The following AKAP10 variants were observed in gnomAD, a reference collection of about 807,000 sequenced individuals.
AKAP10 encodes A-kinase anchoring protein 10, also known as A-kinase anchor protein 10, mitochondrial.
In AKAP10, 24 loss-of-function variants were observed where a neutral mutation model predicts 80.8. The observed-to-expected ratio is 0.30, with a 90% confidence interval of 0.22 to 0.42. The LOEUF is 0.42. Among genes scored for constraint, AKAP10 ranks in the 10% least tolerant of loss-of-function variants. The probability of loss-of-function intolerance (pLI) is 1.00; values close to 1 mark genes in which losing one functional copy is unlikely to be tolerated. For synonymous variants in AKAP10, 291 were observed against 277.7 expected (o/e 1.05, Z -0.48); for missense variants, 661 against 794.9 (o/e 0.83, Z 2.03).
At chr17:19,917,332 G>C (rs575582281) in intron 12 of AKAP10, among the ~76,000 whole-genome samples, 59 of 152,162 alleles carry the variant, frequency 3.9e-4, no homozygotes, top group South Asian at 1.0e-3. Flanking sequence ...TACTGGGGAG[G>C]AGACCCCATT....
chr17:19,945,589 G>A (rs914832433), intron 5 of AKAP10, among the ~76,000 whole-genome samples: 7 of 152,132 alleles, frequency 4.6e-5, no homozygotes, highest in African/African-American at 9.7e-5. Context: ...TGTTATAGCC[G>A]TTATAGGTAT....
intron 2 of AKAP10, among the ~76,000 whole-genome samples, chr17:19,963,415 A>G (rs1027858934): frequency 6.6e-6 from 1 of 152,088 alleles, no homozygotes; most frequent in African/African-American, 2.4e-5. Flanking sequence ...AATTCTCAAA[A>G]TACTGTGCCA....
chr17:19,956,919 AG>A (rs928218747), intron 4 of AKAP10, among the ~76,000 whole-genome samples: 1 of 151,642 alleles, frequency 6.6e-6, no homozygotes, highest in Admixed American at 6.6e-5. Context: ...GAGGGAAGGA[AG>A]GAGGGAGGGA....
chr17:19,945,300 G>A (rs1010811865), intron 5 of AKAP10, among the ~76,000 whole-genome samples: 7 of 151,876 alleles, frequency 4.6e-5, no homozygotes, highest in Non-Finnish European at 1.0e-4. Flanking sequence ...TTATCCACAC[G>A]CCAGTCAGGC....
intron 9 of AKAP10, among the ~76,000 whole-genome samples, chr17:19,935,009 C>CTCAATCAA (rs369344588): frequency 1.3e-5 from 2 of 151,708 alleles, no homozygotes; most frequent in South Asian, 2.1e-4. Context: ...GAAACTCTGT[C>CTCAATCAA]TCAATCAATC....
rs375502134 is a variant in AKAP10, at chr17:19,914,350, G to T, written c.1835-4372C>A. Among the ~76,000 whole-genome samples the T allele has an allele frequency of 1.8e-4, 27 of 152,184 alleles. 1 individual carries two copies. In the East Asian group the frequency reaches 3.1e-3, roughly 17 times the overall value. On this transcript the variant is annotated intron_variant, in intron 12 of 14. Transcript: ENST00000225737. ...TAAATAAATGAACAAGATAATTTTA[G>T]ACAGTGAATAAGAAAATAGGCCAGG...
chr17:19,906,474 C>T (rs979652929), intron 14 of AKAP10, among the ~76,000 whole-genome samples: 2 of 152,132 alleles, frequency 1.3e-5, no homozygotes, highest in Non-Finnish European at 2.9e-5. Flanking sequence ...GGACTGGCAT[C>T]CAGACTTGCT....
chr17:19,924,546 A>G lies in AKAP10; in HGVS notation c.1642-29T>C, dbSNP rs372600492. The G allele has an allele frequency of 1.0e-5, 15 of 1,463,302 alleles. No homozygotes were observed. In the African/African-American group the frequency reaches 1.8e-4, roughly 18 times the overall value. 90.6% of individuals were successfully genotyped at this position (1,463,302 alleles called of 1,614,324 possible). ...CAATAGAAATTGTAAAATTAGAAGT[A>G]TATGAAACAATCAGTCCTGGGCTTG... On this transcript the variant is annotated intron_variant, in intron 10 of 14. Coordinates refer to ENST00000225737, the MANE Select transcript of AKAP10 (RefSeq NM_007202.4).
chr17:19,928,297 G>C (rs1000771368), intron 10 of AKAP10, among the ~76,000 whole-genome samples: 1 of 152,030 alleles, frequency 6.6e-6, no homozygotes, highest in South Asian at 2.1e-4. Context: ...TCCAAAGCTA[G>C]AACAAAGGCC....
At chr17:19,916,032 C>T (rs1051025674) in intron 12 of AKAP10, among the ~76,000 whole-genome samples, 2 of 152,206 alleles carry the variant, frequency 1.3e-5, no homozygotes, top group Non-Finnish European at 2.9e-5. Flanking sequence ...CCATTCCAGC[C>T]ACACGGGGCT....
At position 19,977,621 on chromosome 17, in the gene AKAP10, C is replaced by T; in HGVS notation, c.59G>A (p.Gly20Asp). 2 of 1,235,168 alleles carry T rather than the reference C, an allele frequency of 1.6e-6. No individual in the cohort carries two copies. The highest frequency in any genetic ancestry group is 2.0e-6 in the Non-Finnish European group (2 of 988,020). 76.5% of individuals were successfully genotyped at this position (1,235,168 alleles called of 1,614,324 possible). The change falls in exon 1 of 15, where the codon GGC (glycine) becomes GAC (aspartate). Residue 20 changes from glycine (G) to aspartate (D), a missense_variant. Coordinates refer to ENST00000225737, the MANE Select transcript of AKAP10 (RefSeq NM_007202.4). ...CCGCCGGAAGAAGGACATGGCGGGG[C>T]CCGGGTCGGGACGGAGGGTGCGGGG... Reference protein sequence around the residue: ...QSPRTLRPDPGPAMSFFRRKV... With the variant: ...QSPRTLRPDPDPAMSFFRRKV...
chr17:19,940,980 A>T lies in AKAP10; in HGVS notation c.1092T>A (p.His364Gln). 6.2e-7 allele frequency: 1 copy of T among 1,609,386 alleles called. No homozygotes were observed. The highest frequency in any genetic ancestry group is 8.5e-7 in the Non-Finnish European group (1 of 1,178,868). Residue 364 changes from histidine (H) to glutamine (Q), a missense_variant, in exon 7 of 15, where the codon CAT becomes CAA. Physicochemically the swap from His to Gln is conservative, Grantham distance 24. Transcript: ENST00000225737. ...GCACTTCAATCTGGTATTTACAGAA[A>T]TGGTGACTTCGCAGAAACTCACTAA... ...EHFSEFLRSHHFCKYQIEVLT... is the reference protein window; with the variant it reads ...EHFSEFLRSHQFCKYQIEVLT...
chr17:19,909,097 G>A (rs2042662842), intron 14 of AKAP10, 84 bp downstream of exon 14: 6 of 1,186,322 alleles, frequency 5.1e-6, no homozygotes, highest in African/African-American at 1.6e-5. Context: ...TCCTTCAAAG[G>A]CAAAGAAACC....
chr17:19,940,818 A>C, intron 7 of AKAP10, 69 bp downstream of exon 7: 1 of 1,481,580 alleles, frequency 6.7e-7, no homozygotes, highest in Non-Finnish European at 9.0e-7. Flanking sequence ...TCCTATAGAC[A>C]GGGCCCCAGC....
At chr17:19,960,653 G>A (rs1180662662) in intron 3 of AKAP10, among the ~76,000 whole-genome samples, 3 of 152,170 alleles carry the variant, frequency 2.0e-5, no homozygotes, top group Non-Finnish European at 4.4e-5. Flanking sequence ...GGTTTTTATT[G>A]GAAGGTAAGT....
intron 11 of AKAP10, 80 bp from the exon 12 acceptor site, chr17:19,920,198 T>G (rs1265577950): frequency 9.4e-7 from 1 of 1,063,844 alleles, no homozygotes; most frequent in Non-Finnish European, 1.4e-6. Flanking sequence ...TTAAAGCGTT[T>G]CATCTAAATC....
intron 13 of AKAP10, among the ~76,000 whole-genome samples, chr17:19,909,696 T>TA (rs2042668983): frequency 6.6e-6 from 1 of 152,206 alleles, no homozygotes; most frequent in Non-Finnish European, 1.5e-5. Flanking sequence ...AATGCATGTA[T>TA]ATCCTTCAGT....
Position 19,936,422 on chromosome 17 carries a change from G to A in AKAP10, c.1331C>T (p.Ser444Phe). The A allele has an allele frequency of 1.2e-6, 2 of 1,607,498 alleles. No individual in the cohort carries two copies. The highest frequency in any genetic ancestry group is 1.7e-6 in the Non-Finnish European group (2 of 1,175,378). The change falls in exon 9 of 15, where the codon TCC becomes TTC. Residue 444 changes from serine (S) to phenylalanine (F), a missense_variant. Coordinates refer to ENST00000225737, the MANE Select transcript of AKAP10 (RefSeq NM_007202.4). ...TCCAAGAGGATGTGTGGCTTGGAGG[G>A]AGAAGTACCTATGGTAAAAAGATAT... is the stretch of plus-strand genomic sequence containing the variant. ...DAMILYDKYF[S>F]LQATHPLGFD...
chr17:19,910,989 T>C (rs2042684122), intron 12 of AKAP10, among the ~76,000 whole-genome samples: 1 of 152,226 alleles, frequency 6.6e-6, no homozygotes, highest in Non-Finnish European at 1.5e-5. Flanking sequence ...CTTCCTAACT[T>C]TGCTTTAAAA....
Sources: allele counts gnomAD v4.1 joint callset (sites outside exome capture counted in the v4.1 genomes callset), GRCh38; gene constraint gnomAD v4.1.1; transcripts MANE v1.5; gene names NCBI Gene and HGNC (gene_info 2026-07-23, HGNC 2026-07-21).